The following CERS6 variants were observed in gnomAD, a reference collection of about 807,000 sequenced individuals.
The protein encoded by CERS6 is ceramide synthase 6, also known as LAG1 homolog, ceramide synthase 6.
A neutral mutation model predicts 56.8 loss-of-function variants in CERS6; 26 were observed. That is an observed-to-expected ratio of 0.46 (90% CI 0.34 to 0.63). The LOEUF (loss-of-function observed/expected upper bound fraction) is 0.63, where lower values mean the gene tolerates loss of function less well. Among genes scored for constraint, CERS6 ranks in the 30% least tolerant of loss-of-function variants. The pLI is 0.01. For missense variants in CERS6, 415 were observed against 467.5 expected, an observed-to-expected ratio of 0.89 and a Z score of 1.04; for synonymous variants, 164 against 173.3, an observed-to-expected ratio of 0.95 and a Z score of 0.42.
intron 4 of CERS6, chr2:168,644,020 C>A: frequency 1.1e-6 from 1 of 870,274 alleles, no homozygotes; most frequent in Non-Finnish European, 1.4e-6. Context: ...GAGGGAAATG[C>A]CATTTTGTTA....
At chr2:168,459,225 A>G (rs1426684292) in intron 1 of CERS6, among the ~76,000 whole-genome samples, 2 of 152,252 alleles carry the variant, frequency 1.3e-5, no homozygotes, top group Non-Finnish European at 2.9e-5. Context: ...TTTTACATTA[A>G]GTGAAGTCAG....
At chr2:168,742,492 A>G (rs1209149757) in intron 8 of CERS6, among the ~76,000 whole-genome samples, 1 of 152,226 alleles carries the variant, frequency 6.6e-6, no homozygotes, top group African/African-American at 2.4e-5. Context: ...GGAATCCTCC[A>G]TTATCAGCAC....
At chr2:168,742,650 A>G (rs1683949731) in intron 8 of CERS6, among the ~76,000 whole-genome samples, 1 of 152,212 alleles carries the variant, frequency 6.6e-6, no homozygotes, top group Admixed American at 6.5e-5. Flanking sequence ...AAAGGACAAT[A>G]AAGAGGCCAG....
chr2:168,505,146 C>T (rs1335256448), intron 1 of CERS6, among the ~76,000 whole-genome samples: 3 of 151,900 alleles, frequency 2.0e-5, no homozygotes, highest in South Asian at 2.1e-4. Flanking sequence ...GGAGGCCAAG[C>T]GGGCTATTCC....
chr2:168,619,709 C>T (rs765180922), intron 3 of CERS6, among the ~76,000 whole-genome samples: 1 of 151,766 alleles, frequency 6.6e-6, no homozygotes, highest in East Asian at 2.0e-4. Flanking sequence ...AAGTAATAGA[C>T]GTTGAGATGG....
At chr2:168,741,251 C>T (rs78461654) in intron 8 of CERS6, among the ~76,000 whole-genome samples, 2,180 of 151,742 alleles carry the variant, frequency 0.014, 65 homozygotes, top group African/African-American at 0.05. Context: ...TTAATAATAG[C>T]AGTGATAGTG....
intron 6 of CERS6, among the ~76,000 whole-genome samples, chr2:168,698,882 A>G (rs1686734881): frequency 6.6e-6 from 1 of 152,198 alleles, no homozygotes; most frequent in Non-Finnish European, 1.5e-5. Context: ...TTTGCTAGTC[A>G]ATATGAATAG....
At chr2:168,717,619 T>C (rs529677409) in intron 7 of CERS6, among the ~76,000 whole-genome samples, 39 of 152,322 alleles carry the variant, frequency 2.6e-4, no homozygotes, top group African/African-American at 9.1e-4. Context: ...CTCAGGTTGC[T>C]GAATATTTTA....
At chr2:168,755,419 G>T (rs1218806083) in intron 8 of CERS6, among the ~76,000 whole-genome samples, 1 of 152,092 alleles carries the variant, frequency 6.6e-6, no homozygotes, top group Non-Finnish European at 1.5e-5. Flanking sequence ...ATCTCCATGT[G>T]TGTGACTCTC....
chr2:168,528,997 C>A (rs1211174123), intron 1 of CERS6, among the ~76,000 whole-genome samples: 1 of 152,092 alleles, frequency 6.6e-6, no homozygotes, highest in Non-Finnish European at 1.5e-5. Context: ...TTTGCTGGGA[C>A]CATAGGGGTT....
intron 3 of CERS6, among the ~76,000 whole-genome samples, chr2:168,622,879 C>A (rs186055945): frequency 2.3e-4 from 35 of 152,308 alleles, no homozygotes; most frequent in Admixed American, 7.8e-4. Context: ...TTTCTTTGGA[C>A]ATTAGTTTCT....
At chr2:168,656,978 C>G (rs546554445) in intron 4 of CERS6, among the ~76,000 whole-genome samples, 71 of 152,056 alleles carry the variant, frequency 4.7e-4, no homozygotes, top group Non-Finnish European at 9.6e-4. Flanking sequence ...TACAGAGTGT[C>G]GATTGGTGCA....
At position 168,694,891 on chromosome 2, in the gene CERS6, G is replaced by A. The variant is rs955749820; in HGVS notation, c.517-68G>A. ...TGTTACTTTTGAGCAGTGAGCTTGA[G>A]ATGTCTGGGATACAAATTGGGTTCC... On this transcript the variant is annotated intron_variant, in intron 5 of 9. Transcript: ENST00000305747. 2.5e-6 allele frequency: 3 copies of A among 1,205,158 alleles called. No homozygotes were observed. The African/African-American group carries it at 4.5e-5, about 18-fold the overall frequency. The allele number at this position is 1,205,158 out of a possible 1,614,324, so 74.7% of individuals were successfully genotyped here.
rs764841086 is a variant in CERS6, at chr2:168,730,703, A to G, written c.845+12725A>G. 2.6e-5 allele frequency among the ~76,000 whole-genome samples: 4 copies of G among 152,054 alleles called. 1 individual carries two copies. Among genetic ancestry groups the G allele is most frequent in the East Asian group, 3.9e-4 (2 of 5,182 alleles). ...CAAGTTGCAGCTACCCAATGTAACT[A>G]TCTTAAGTACTTTTTTGAAAGGACG... On this transcript the variant is annotated intron_variant, in intron 8 of 9. Coordinates refer to ENST00000305747, the MANE Select transcript of CERS6 (RefSeq NM_203463.3).
intron 3 of CERS6, among the ~76,000 whole-genome samples, chr2:168,613,582 C>G (rs150003643): frequency 0.014 from 2,081 of 152,270 alleles, 25 homozygotes; most frequent in Middle Eastern, 0.027. Flanking sequence ...TTCAAGAGAA[C>G]TTAACGGTCT....
chr2:168,519,040 GTT>G, intron 1 of CERS6, among the ~76,000 whole-genome samples: 1 of 152,260 alleles, frequency 6.6e-6, no homozygotes, highest in Non-Finnish European at 1.5e-5. Context: ...GTCATAATAT[GTT>G]TCAAAATCCT....
At chr2:168,633,745 A>C (rs1293738991) in intron 4 of CERS6, among the ~76,000 whole-genome samples, 3 of 152,254 alleles carry the variant, frequency 2.0e-5, no homozygotes, top group Non-Finnish European at 4.4e-5. Flanking sequence ...ATGCTGCATC[A>C]GAAATAATCA....
At chr2:168,738,686 A>T (rs1433293508) in intron 8 of CERS6, among the ~76,000 whole-genome samples, 2 of 152,122 alleles carry the variant, frequency 1.3e-5, no homozygotes, top group Non-Finnish European at 2.9e-5. Context: ...AAATGTCATG[A>T]TTTTTTAAAG....
chr2:168,615,014 G>T (rs1684282307), intron 3 of CERS6, among the ~76,000 whole-genome samples: 1 of 152,040 alleles, frequency 6.6e-6, no homozygotes, highest in Admixed American at 6.5e-5. Context: ...CCATAGCTGA[G>T]AAATCTGCAG....
Sources: allele counts gnomAD v4.1 joint callset (sites outside exome capture counted in the v4.1 genomes callset), GRCh38; gene constraint gnomAD v4.1.1; transcripts MANE v1.5; gene names NCBI Gene and HGNC (gene_info 2026-07-23, HGNC 2026-07-21).